Variants in ADH1C observed in about 807,000 individuals in gnomAD.
The protein encoded by ADH1C is alcohol dehydrogenase 1C (class I), gamma polypeptide, also known as alcohol dehydrogenase 1C.
Under a neutral mutation model 35.0 loss-of-function variants are expected in ADH1C, and 26 were observed. The ratio of observed to expected loss-of-function variants is 0.74; its 90% CI spans 0.54 to 1.03. The LOEUF (loss-of-function observed/expected upper bound fraction) is 1.03, where lower values mean the gene tolerates loss of function less well. Ranked by LOEUF, ADH1C falls within the 50% of genes least tolerant of loss-of-function variation. The probability of loss-of-function intolerance (pLI) is 0.00; values close to 1 mark genes in which losing one functional copy is unlikely to be tolerated. For missense variants in ADH1C, 413 were observed against 465.4 expected (o/e 0.89, Z 1.04); for synonymous variants, 170 against 169.3 (o/e 1.00, Z -0.03).
chr4:99,349,990 A>G (rs1389029955), intron 1 of ADH1C, among the ~76,000 whole-genome samples: 1 of 152,248 alleles, frequency 6.6e-6, no homozygotes. Context: ...TAAAGCATGT[A>G]CAATTCACTG....
rs763029646 is a variant in ADH1C, at chr4:99,340,633, G to A, written c.906C>T (p.Leu302=). 3.1e-6 allele frequency: 5 copies of A among 1,613,900 alleles called. No individual in the cohort carries two copies. Among genetic ancestry groups the A allele is most frequent in the Non-Finnish European group, 8.5e-7 (1 of 1,180,026 alleles). Residue 302 remains leucine, a synonymous_variant, in exon 7 of 9, where the codon CTC becomes CTT. Transcript: ENST00000515683. ...IVGVPPDSQN[L]SINPMLLLTG... ...TCAGTAGCAGCATAGGGTTTATTGA[G>A]AGGTTCTGGGAATCAGGAGGTACCC...
intron 5 of ADH1C, 28 bp from the exon 6 acceptor site, chr4:99,343,083 A>G: frequency 1.2e-6 from 2 of 1,605,784 alleles, no homozygotes; most frequent in South Asian, 2.2e-5. Flanking sequence ...GCAAAAATGA[A>G]TTAAATAATG....
At chr4:99,338,776 GT>G (rs754233262) in intron 8 of ADH1C, among the ~76,000 whole-genome samples, 29 of 150,432 alleles carry the variant, frequency 1.9e-4, no homozygotes, top group Non-Finnish European at 2.8e-4. Flanking sequence ...ACTATTTGAA[GT>G]TGAAAACCTC....
intron 8 of ADH1C, 106 bp from the exon 9 acceptor site, chr4:99,336,882 G>T: frequency 6.7e-7 from 1 of 1,491,534 alleles, no homozygotes; most frequent in Non-Finnish European, 9.3e-7. Flanking sequence ...ATCTCTCTGT[G>T]TTCTCAGCCA....
intron 1 of ADH1C, among the ~76,000 whole-genome samples, chr4:99,349,816 T>A (rs1734634238): frequency 6.6e-6 from 1 of 151,800 alleles, no homozygotes; most frequent in Non-Finnish European, 1.5e-5. Flanking sequence ...TGTGTGTGTG[T>A]GTGTGTGTGT....
At chr4:99,345,917 T>G (rs1186801668) in intron 3 of ADH1C, among the ~76,000 whole-genome samples, 1 of 152,200 alleles carries the variant, frequency 6.6e-6, no homozygotes, top group Non-Finnish European at 1.5e-5. Context: ...AGGATAAGAA[T>G]TGACTTTCAA....
At position 99,342,919 on chromosome 4, in the gene ADH1C, T is replaced by G. The variant is rs770670481; in HGVS notation, c.704A>C (p.Glu235Ala). 2.5e-6 allele frequency: 4 copies of G among 1,614,166 alleles called. No individual in the cohort carries two copies. The South Asian group carries it at 4.4e-5, about 18-fold the overall frequency. ...GTTGATGCATTCAGTGGCACCCAACTCTTTAGCCTTTGCAAATTTGTCCTT... is the reference window on the plus strand; with the variant it reads ...GTTGATGCATTCAGTGGCACCCAACGCTTTAGCCTTTGCAAATTTGTCCTT... ...INKDKFAKAK[E>A]LGATECINPQ... is the part of the protein sequence containing the mutation. Residue 235 changes from glutamate (E) to alanine (A), a missense_variant, in exon 6 of 9, where the codon GAG becomes GCG. By Grantham distance (107) the Glu-to-Ala change is moderately radical. Coordinates refer to ENST00000515683, the MANE Select transcript of ADH1C (RefSeq NM_000669.5).
At position 99,339,576 on chromosome 4, in the gene ADH1C, C is replaced by T; in HGVS notation, c.1103+1G>A. On this transcript the variant is annotated splice_donor_variant, in intron 8 of 8. Transcript: ENST00000515683. LOFTEE classifies it high-confidence loss of function. The stretch of plus-strand genomic sequence containing the variant: ...AAACAAAAAAACAACTTAAAATCTA[C>T]CTCTTTCCAGAGCGAAGCAGGTCAA... 6.7e-7 allele frequency: 1 copy of T among 1,497,598 alleles called. No individual in the cohort carries two copies. The highest frequency in any genetic ancestry group is 9.0e-7 in the Non-Finnish European group (1 of 1,111,086). The allele number at this position is 1,497,598 out of a possible 1,614,324, so 92.8% of individuals were successfully genotyped here.
At chr4:99,347,596 A>AATTTAT (rs34736030) in intron 2 of ADH1C, 149 bp downstream of exon 2, 315,387 of 901,752 alleles carry the variant, frequency 0.35, 61,914 homozygotes, top group Non-Finnish European at 0.39. Context: ...AAAATTTAAC[A>AATTTAT]ATTTATACTT....
rs533708228 is a variant in ADH1C, at chr4:99,336,632, G to T, written c.*120C>A. On this transcript the variant is annotated 3_prime_UTR_variant, in exon 9 of 9. Transcript: ENST00000515683. ...TTCCATTTCTTTGGAAAGCTCCCACGTGTAATTTATTTTTAACATCTCTGA... is the reference window on the plus strand; with the variant it reads ...TTCCATTTCTTTGGAAAGCTCCCACTTGTAATTTATTTTTAACATCTCTGA... The T allele has an allele frequency of 2.2e-5, 27 of 1,238,754 alleles. No individual in the cohort carries two copies. The African/African-American group carries it at 2.9e-4, about 13-fold the overall frequency. 76.7% of individuals were successfully genotyped at this position (1,238,754 alleles called of 1,614,324 possible).
Position 99,346,987 on chromosome 4 carries a change from C to T in ADH1C, c.259+19G>A. Reference sequence around the variant, plus strand: ...GTGATGGTGAACCAAGGCATGTTCCCTGAGTGTGAATCCTGTACCTGGTTT... The same window carrying T: ...GTGATGGTGAACCAAGGCATGTTCCTTGAGTGTGAATCCTGTACCTGGTTT... On this transcript the variant is annotated intron_variant, in intron 3 of 8. Coordinates refer to ENST00000515683, the MANE Select transcript of ADH1C (RefSeq NM_000669.5). 6.2e-7 allele frequency: 1 copy of T among 1,611,084 alleles called. No individual in the cohort carries two copies. Among genetic ancestry groups the T allele is most frequent in the Non-Finnish European group, 8.5e-7 (1 of 1,178,788 alleles).
chr4:99,339,698 ATTCTTTACT>A lies in ADH1C; in HGVS notation c.973_981del (p.Lys326_Ser328del). On this transcript the variant is annotated inframe_deletion, in exon 8 of 9. Transcript: ENST00000515683. ...AAGTCAGCCACAAGTTTGGGGACAG[ATTCTTTACT>A]CTTAAAGCCTGAAAAGAAGAAAATA... is the stretch of plus-strand genomic sequence containing the variant. 6.2e-7 allele frequency: 1 copy of A among 1,611,728 alleles called. No homozygotes were observed. Among genetic ancestry groups the A allele is most frequent in the Non-Finnish European group, 8.5e-7 (1 of 1,179,182 alleles).
intron 6 of ADH1C, among the ~76,000 whole-genome samples, chr4:99,342,259 C>T (rs1349645994): frequency 6.6e-6 from 1 of 152,014 alleles, no homozygotes; most frequent in Non-Finnish European, 1.5e-5. Context: ...AGGCACTGTC[C>T]AGTTGCTGTG....
rs5860576 is a variant in ADH1C at position 99,339,512 on chromosome 4, G to GCCCCCCCCCCCC, written c.1103+53_1103+64dup. The GCCCCCCCCCCCC allele has an allele frequency of 1.5e-5, 11 of 743,936 alleles. 1 individual carries two copies. Among genetic ancestry groups the GCCCCCCCCCCCC allele is most frequent in the African/African-American group, 9.6e-5 (5 of 51,880 alleles). The allele number at this position is 743,936 out of a possible 1,614,324, so 46.1% of individuals were successfully genotyped here. On this transcript the variant is annotated intron_variant, in intron 8 of 8. Transcript: ENST00000515683. ...ACCTTTTCATTCTCTGCTAGACAAC[G>GCCCCCCCCCCCC]CCCCCCCCCCCCCCGCCGCTACTGT...
At chr4:99,349,587 T>A (rs1219401348) in intron 1 of ADH1C, among the ~76,000 whole-genome samples, 1 of 152,200 alleles carries the variant, frequency 6.6e-6, no homozygotes, top group Non-Finnish European at 1.5e-5. Flanking sequence ...CAGTTATACA[T>A]TTACCTTCCT....
In ADH1C at chr4:99,347,780, C is replaced by A. The variant is rs368024231; in HGVS notation, c.85G>T (p.Val29Phe). Reference protein sequence around the residue: ...KKPFSIEEVEVAPPKAHEVRI... With the variant: ...KKPFSIEEVEFAPPKAHEVRI... Reference sequence around the variant, plus strand: ...ACTTCATGAGCCTTAGGAGGTGCAACCTCTACCTCCTCAATGGAAAAGGGT... The same window carrying A: ...ACTTCATGAGCCTTAGGAGGTGCAAACTCTACCTCCTCAATGGAAAAGGGT... Residue 29 changes from valine to phenylalanine, a missense_variant, in exon 2 of 9, where the codon GTT becomes TTT. Val to Phe is a conservative substitution (Grantham distance 50). Coordinates refer to ENST00000515683, the MANE Select transcript of ADH1C (RefSeq NM_000669.5). 6 of 1,613,584 alleles carry A rather than the reference C, an allele frequency of 3.7e-6. No homozygotes were observed. Among genetic ancestry groups the A allele is most frequent in the Non-Finnish European group, 5.1e-6 (6 of 1,179,716 alleles).
At chr4:99,340,205 G>A (rs1734379296) in intron 7 of ADH1C, among the ~76,000 whole-genome samples, 1 of 152,082 alleles carries the variant, frequency 6.6e-6, no homozygotes, top group African/African-American at 2.4e-5. Context: ...GATCATTTGA[G>A]GTCAGGAGTT....
intron 5 of ADH1C, 30 bp downstream of exon 5, chr4:99,344,832 A>C: frequency 6.2e-7 from 1 of 1,613,672 alleles, no homozygotes; most frequent in Non-Finnish European, 8.5e-7. Flanking sequence ...TCTGCGTGTA[A>C]CCGGTTTTAT....
intron 6 of ADH1C, among the ~76,000 whole-genome samples, chr4:99,342,019 A>T (rs1050292702): frequency 1.5e-3 from 231 of 151,504 alleles, no homozygotes; most frequent in African/African-American, 2.4e-3. Context: ...TCAAAAAAAA[A>T]AAAAAAATAA....
Sources: gnomAD v4.1 joint callset for allele counts (sites outside exome capture counted in the v4.1 genomes callset) on GRCh38, gnomAD v4.1.1 for gene constraint, MANE v1.5 for transcripts, NCBI Gene and HGNC (gene_info 2026-07-23, HGNC 2026-07-21) for gene names.